Variants in ARB2A observed in about 807,000 individuals in gnomAD.
ARB2A encodes cotranscriptional regulator ARB2A.
chr5:93,845,429 G>C, the ARB2A span, among the ~76,000 whole-genome samples: 8 of 152,214 alleles, frequency 5.3e-5, no homozygotes, highest in Admixed American at 2.0e-4. Flanking sequence ...ATTTTTCTTA[G>C]AAGCTTGAAG....
the ARB2A span, among the ~76,000 whole-genome samples, chr5:93,779,124 T>TGCGC: frequency 3.3e-4 from 48 of 146,392 alleles, no homozygotes; most frequent in African/African-American, 1.0e-3. Context: ...TGTGTGTGTG[T>TGCGC]GCGCGCGCGC....
At chr5:93,985,394 T>TGGTCTCCCCCTCTCCCTCTTTCCAC in the ARB2A span, among the ~76,000 whole-genome samples, 383 of 151,438 alleles carry the variant, frequency 2.5e-3, 4 homozygotes, top group African/African-American at 8.0e-3. Flanking sequence ...CCTCTTTCCA[T>TGGTCTCCCCCTCTCCCTCTTTCCAC]GGTCTCCCCC....
At chr5:93,811,576 A>G in the ARB2A span, among the ~76,000 whole-genome samples, 105 of 152,194 alleles carry the variant, frequency 6.9e-4, no homozygotes, top group African/African-American at 2.5e-3. Flanking sequence ...AGTACAATAC[A>G]CTATTTATTT....
At chr5:93,720,879 T>C in the ARB2A span, among the ~76,000 whole-genome samples, 1 of 152,230 alleles carries the variant, frequency 6.6e-6, no homozygotes, top group Admixed American at 6.5e-5. Flanking sequence ...GACTCACTGT[T>C]TTCTTTTTCA....
the ARB2A span, among the ~76,000 whole-genome samples, chr5:93,807,949 C>G: frequency 6.6e-6 from 1 of 151,996 alleles, no homozygotes; most frequent in Non-Finnish European, 1.5e-5. Flanking sequence ...CAGTGTAACA[C>G]TGTCTTCCAA....
chr5:93,698,598 G>A, the ARB2A span, among the ~76,000 whole-genome samples: 8 of 152,120 alleles, frequency 5.3e-5, no homozygotes, highest in Non-Finnish European at 8.8e-5. Context: ...TCTAGGCAGA[G>A]GCCAATGCAA....
the ARB2A span, among the ~76,000 whole-genome samples, chr5:94,016,336 G>T: frequency 6.6e-6 from 1 of 152,170 alleles, no homozygotes; most frequent in Non-Finnish European, 1.5e-5. Flanking sequence ...TATGAAAGTG[G>T]CTAACTTAGG....
chr5:93,720,754 C>G, the ARB2A span, among the ~76,000 whole-genome samples: 10 of 152,176 alleles, frequency 6.6e-5, no homozygotes, highest in African/African-American at 2.4e-4. Context: ...AACTATATAC[C>G]CATGAGACTT....
the ARB2A span, among the ~76,000 whole-genome samples, chr5:94,066,422 G>GCGCA: frequency 2.3e-5 from 3 of 132,436 alleles, no homozygotes; most frequent in Admixed American, 2.3e-4. Context: ...GCCAGACTAA[G>GCGCA]CACACACACA....
At chr5:93,975,185 G>C in the ARB2A span, among the ~76,000 whole-genome samples, 1 of 151,534 alleles carries the variant, frequency 6.6e-6, no homozygotes, top group Non-Finnish European at 1.5e-5. Context: ...GCATGGTAGC[G>C]AGCACCTTGT....
the ARB2A span, among the ~76,000 whole-genome samples, chr5:93,889,913 T>C: frequency 3.3e-5 from 5 of 151,912 alleles, no homozygotes; most frequent in Non-Finnish European, 7.4e-5. Flanking sequence ...AGAGACAAGA[T>C]ACAGTAATAG....
chr5:94,080,586 A>T, the ARB2A span, among the ~76,000 whole-genome samples: 1 of 152,330 alleles, frequency 6.6e-6, no homozygotes, highest in African/African-American at 2.4e-5. Context: ...TTATCACTTC[A>T]GAGCTGGCCT....
chr5:93,956,745 C>A, the ARB2A span, among the ~76,000 whole-genome samples: 1 of 151,780 alleles, frequency 6.6e-6, no homozygotes, highest in Non-Finnish European at 1.5e-5. Flanking sequence ...CTGCCTGCAT[C>A]TTAAAATACC....
At chr5:94,093,654 T>A in the ARB2A span, among the ~76,000 whole-genome samples, 4 of 152,214 alleles carry the variant, frequency 2.6e-5, no homozygotes, top group African/African-American at 9.7e-5. Context: ...TCAAAATTCA[T>A]GTCCTTATCA....
the ARB2A span, among the ~76,000 whole-genome samples, chr5:93,656,492 G>A: frequency 6.6e-6 from 1 of 152,020 alleles, no homozygotes; most frequent in African/African-American, 2.4e-5. Flanking sequence ...CCACTTTCTG[G>A]CTTCTGTATT....
At chr5:93,932,862 C>T in the ARB2A span, among the ~76,000 whole-genome samples, 1 of 151,962 alleles carries the variant, frequency 6.6e-6, no homozygotes. Flanking sequence ...GAGAAGTAAA[C>T]AAAATATGTG....
chr5:93,772,298 G>C, the ARB2A span, among the ~76,000 whole-genome samples: 3 of 151,986 alleles, frequency 2.0e-5, no homozygotes, highest in Non-Finnish European at 4.4e-5. Flanking sequence ...ACACTCTGGG[G>C]ACTGTTGTGG....
chr5:93,713,327 C>A, the ARB2A span, among the ~76,000 whole-genome samples: 1 of 151,542 alleles, frequency 6.6e-6, no homozygotes, highest in Non-Finnish European at 1.5e-5. Flanking sequence ...ATAAACAGAA[C>A]ATATAAGGAG....
At chr5:94,083,074 A>G in the ARB2A span, among the ~76,000 whole-genome samples, 1 of 152,212 alleles carries the variant, frequency 6.6e-6, no homozygotes, top group African/African-American at 2.4e-5. Context: ...TTTTCCCACA[A>G]AAGACCACCA....
Sources: allele counts gnomAD v4.1 joint callset (sites outside exome capture counted in the v4.1 genomes callset), GRCh38; gene constraint gnomAD v4.1.1; transcripts MANE v1.5; gene names NCBI Gene and HGNC (gene_info 2026-07-23, HGNC 2026-07-21).